TTC7A: variants seen among roughly 807,000 people sequenced by gnomAD.
TTC7A encodes the protein tetratricopeptide repeat domain 7A, also known as tetratricopeptide repeat protein 7A.
In TTC7A, 110 loss-of-function variants were observed where a neutral mutation model predicts 103.7. That is an observed-to-expected ratio of 1.06 (90% CI 0.91 to 1.24). The LOEUF (loss-of-function observed/expected upper bound fraction) is 1.24. Ranked by LOEUF, TTC7A falls within the 50% of genes most tolerant of loss-of-function variation. The probability of loss-of-function intolerance (pLI) is 0.00; values close to 1 mark genes in which losing one functional copy is unlikely to be tolerated. For missense variants in TTC7A, 1,340 were observed against 1,116.3 expected (o/e 1.20, Z -2.86); for synonymous variants, 521 against 467.9 (o/e 1.11, Z -1.47).
chr2:46,941,743 C>T lies in TTC7A; in HGVS notation c.184+18C>T, dbSNP rs1443217517. 28 of 1,548,184 alleles carry T rather than the reference C, an allele frequency of 1.8e-5. No individual in the cohort carries two copies. The highest frequency in any genetic ancestry group is 2.3e-5 in the Non-Finnish European group (26 of 1,146,136). ...GGACACCGGTGAGTAAGGGAAGAGG[C>T]TGGCTCGCCGGCAGCGAGCGCGCGA... On this transcript the variant is annotated intron_variant, in intron 1 of 19. Coordinates refer to ENST00000319190, the MANE Select transcript of TTC7A (RefSeq NM_020458.4). This position sits in a 1 kb window ranked among gnomAD's most constrained non-coding sequence, Gnocchi z 4.2.
In TTC7A at chr2:46,941,765, G is replaced by T. The variant is rs1186408593; in HGVS notation, c.184+40G>T. The T allele has an allele frequency of 1.3e-6, 2 of 1,546,528 alleles. No homozygotes were observed. The highest frequency in any genetic ancestry group is 3.9e-5 in the Admixed American group (2 of 50,898). On this transcript the variant is annotated intron_variant, in intron 1 of 19. Transcript: ENST00000319190. This position sits in a 1 kb window ranked among gnomAD's most constrained non-coding sequence, Gnocchi z 4.2. ...AGGCTGGCTCGCCGGCAGCGAGCGC[G>T]CGAAACGCACCGCCTCCTCCAGGAA...
intron 19 of TTC7A, chr2:47,065,778 C>T (rs1684135013): frequency 6.6e-6 from 1 of 152,250 alleles, no homozygotes; most frequent in African/African-American, 2.4e-5. Context: ...CTGCCCTCAG[C>T]TTGGCTAAGG....
At chr2:46,965,936 A>T (rs1170932015) in intron 3 of TTC7A, among the ~76,000 whole-genome samples, 1 of 150,838 alleles carries the variant, frequency 6.6e-6, no homozygotes, top group South Asian at 2.1e-4. Context: ...TCACTTGAAA[A>T]TATTTTCTAA....
In TTC7A at chr2:46,978,496, G is replaced by A. The variant is rs200332014; in HGVS notation, c.649-296G>A. Among the ~76,000 whole-genome samples, 9 of 149,070 alleles carry A rather than the reference G, an allele frequency of 6.0e-5. No homozygotes were observed. The East Asian group carries it at 8.2e-4, about 14-fold the overall frequency. On this transcript the variant is annotated intron_variant, in intron 4 of 19. Transcript: ENST00000319190. The stretch of plus-strand genomic sequence containing the variant: ...AATCCCACCACTTTGGGAGGCTGAG[G>A]TGGGAGGATTGCTTAAGCCCAGGAG...
intron 5 of TTC7A, among the ~76,000 whole-genome samples, chr2:46,983,168 G>T (rs1674648216): frequency 6.6e-6 from 1 of 152,102 alleles, no homozygotes; most frequent in Admixed American, 6.5e-5. Flanking sequence ...TCTCTGTTTG[G>T]AATATGTGGA....
intron 5 of TTC7A, among the ~76,000 whole-genome samples, chr2:46,990,981 C>G (rs1675566171): frequency 6.6e-6 from 1 of 152,088 alleles, no homozygotes; most frequent in Admixed American, 6.5e-5. Context: ...GATGCGATTT[C>G]AGCTCACTGC....
chr2:46,999,963 C>A, intron 8 of TTC7A: 1 of 943,500 alleles, frequency 1.1e-6, no homozygotes, highest in Non-Finnish European at 1.3e-6. Context: ...GGGCATCTGG[C>A]TGTTTGAATC....
At chr2:46,919,210 A>C (rs1668972235) in intron 2 of TTC7A, among the ~76,000 whole-genome samples, 1 of 152,246 alleles carries the variant, frequency 6.6e-6, no homozygotes, top group African/African-American at 2.4e-5. Flanking sequence ...TGGAAAAATA[A>C]ATAGAAAAAT....
At chr2:46,975,145 G>A (rs779034487) in intron 4 of TTC7A, 42 bp downstream of exon 4, 1 of 1,608,546 alleles carries the variant, frequency 6.2e-7, no homozygotes, top group Non-Finnish European at 8.5e-7. Flanking sequence ...GCTCTCTATT[G>A]AGCACCTATG....
At chr2:47,058,038 G>A (rs1683458920) in intron 18 of TTC7A, among the ~76,000 whole-genome samples, 1 of 152,220 alleles carries the variant, frequency 6.6e-6, no homozygotes, top group African/African-American at 2.4e-5. Flanking sequence ...AGGGCAGCCT[G>A]TTCAGATGCC....
At chr2:46,951,325 A>G (rs1355216551) in intron 2 of TTC7A, among the ~76,000 whole-genome samples, 2 of 152,148 alleles carry the variant, frequency 1.3e-5, no homozygotes, top group Non-Finnish European at 2.9e-5. Flanking sequence ...AAAAAAAAAG[A>G]AATGCAATTA....
At chr2:47,064,788 G>C (rs1684056269) in intron 19 of TTC7A, among the ~76,000 whole-genome samples, 1 of 152,228 alleles carries the variant, frequency 6.6e-6, no homozygotes, top group South Asian at 2.1e-4. Flanking sequence ...ATGAAGCTGA[G>C]ATTAGAGCAC....
At chr2:46,961,714 G>A (rs1041159828) in intron 3 of TTC7A, among the ~76,000 whole-genome samples, 2 of 151,996 alleles carry the variant, frequency 1.3e-5, no homozygotes, top group African/African-American at 4.8e-5. Flanking sequence ...AGACCAGCCT[G>A]GCCAACATGG....
intron 4 of TTC7A, among the ~76,000 whole-genome samples, chr2:46,976,915 T>G (rs1470479452): frequency 6.6e-6 from 1 of 152,178 alleles, no homozygotes; most frequent in African/African-American, 2.4e-5. Context: ...AGGACTTGAG[T>G]GCCCATTCTT....
chr2:47,038,762 G>A (rs1179082068), intron 15 of TTC7A, among the ~76,000 whole-genome samples: 1 of 150,842 alleles, frequency 6.6e-6, no homozygotes, highest in African/African-American at 2.4e-5. Context: ...TGGAAGAATG[G>A]AGAGTTTCAG....
chr2:47,030,662 C>T (rs1043822545), intron 15 of TTC7A, among the ~76,000 whole-genome samples: 1 of 152,170 alleles, frequency 6.6e-6, no homozygotes, highest in Non-Finnish European at 1.5e-5. Context: ...GCCCCAAGAC[C>T]CTTGAGCCTT....
intron 8 of TTC7A, among the ~76,000 whole-genome samples, chr2:46,996,352 C>T (rs112765528): frequency 2.6e-5 from 4 of 152,324 alleles, no homozygotes; most frequent in East Asian, 3.9e-4. Flanking sequence ...TTTAAAAAAA[C>T]GACGCATCTG....
chr2:47,019,379 A>G (rs1291663420), intron 11 of TTC7A, among the ~76,000 whole-genome samples: 1 of 152,110 alleles, frequency 6.6e-6, no homozygotes, highest in Non-Finnish European at 1.5e-5. Context: ...ATTTTTAAAA[A>G]AAAAAACACA....
intron 8 of TTC7A, among the ~76,000 whole-genome samples, chr2:47,001,834 G>A (rs1246392041): frequency 4.0e-5 from 6 of 149,592 alleles, no homozygotes; most frequent in Non-Finnish European, 8.9e-5. Flanking sequence ...TCTCCAACCT[G>A]GGCAACAAGA....
Sources: gnomAD v4.1 joint callset for allele counts (sites outside exome capture counted in the v4.1 genomes callset) on GRCh38, gnomAD v4.1.1 for gene constraint, Gnocchi (gnomAD v3.1) non-coding constraint, MANE v1.5 for transcripts, NCBI Gene and HGNC (gene_info 2026-07-23, HGNC 2026-07-21) for gene names.